Variants in SLC5A4 observed in about 807,000 individuals in gnomAD.
SLC5A4 encodes probable glucose sensor protein SLC5A4.
A neutral mutation model predicts 70.3 loss-of-function variants in SLC5A4; 55 were observed. The ratio of observed to expected loss-of-function variants is 0.78; its 90% confidence interval spans 0.63 to 0.98. SLC5A4 has a LOEUF of 0.98. Among genes scored for constraint, SLC5A4 ranks in the 50% least tolerant of loss-of-function variants. The pLI, the probability that SLC5A4 is intolerant of heterozygous loss-of-function variation, is 0.00. For synonymous variants in SLC5A4, 268 were observed against 305.7 expected, an observed-to-expected ratio of 0.88 and a Z score of 1.29; for missense variants, 735 against 839.2, an observed-to-expected ratio of 0.88 and a Z score of 1.53.
the SLC5A4 span, among the ~76,000 whole-genome samples, chr22:32,312,295 A>G: frequency 1.3e-5 from 2 of 151,738 alleles, no homozygotes; most frequent in African/African-American, 4.8e-5. Context: ...CCCATCAGAG[A>G]ACTTGAGGGG....
At chr22:32,239,760 C>T (rs1444696651) in intron 5 of SLC5A4, among the ~76,000 whole-genome samples, 1 of 148,202 alleles carries the variant, frequency 6.7e-6, no homozygotes, top group Non-Finnish European at 1.5e-5. Flanking sequence ...TGCGGTGGCT[C>T]ACACCTGGAA....
the SLC5A4 span, among the ~76,000 whole-genome samples, chr22:32,353,482 G>C: frequency 3.3e-4 from 50 of 152,036 alleles, no homozygotes; most frequent in African/African-American, 1.0e-3. Context: ...CATCCGCCGC[G>C]CTCCAGCAGG....
chr22:32,306,660 C>A, the SLC5A4 span, among the ~76,000 whole-genome samples: 1 of 152,146 alleles, frequency 6.6e-6, no homozygotes, highest in Non-Finnish European at 1.5e-5. Flanking sequence ...TCCCCCAACC[C>A]CTGCCGCTGT....
the SLC5A4 span, among the ~76,000 whole-genome samples, chr22:32,344,061 T>C: frequency 6.6e-6 from 1 of 152,166 alleles, no homozygotes; most frequent in Non-Finnish European, 1.5e-5. Flanking sequence ...GTAAGCGCTA[T>C]GGCAGTGAGG....
chr22:32,234,872 C>T lies in SLC5A4; in HGVS notation c.885+1G>A, dbSNP rs1925969288. 6.2e-7 allele frequency: 1 copy of T among 1,604,440 alleles called. No homozygotes were observed. Reference sequence around the variant, plus strand: ...CAGACACACATATACATATACTTCACCTGATTTGTGCACCAGTACCACAAA... The same window carrying T: ...CAGACACACATATACATATACTTCATCTGATTTGTGCACCAGTACCACAAA... On this transcript the variant is annotated splice_donor_variant, in intron 8 of 14. Transcript: ENST00000266086. LOFTEE classifies it high-confidence loss of function.
the SLC5A4 span, among the ~76,000 whole-genome samples, chr22:32,310,906 G>T: frequency 1.3e-5 from 2 of 152,176 alleles, no homozygotes; most frequent in African/African-American, 2.4e-5. Context: ...CCCAGGGCTG[G>T]GCACTCTTGC....
intron 9 of SLC5A4, 85 bp downstream of exon 9, chr22:32,232,814 T>C (rs1331555955): frequency 6.7e-7 from 1 of 1,486,936 alleles, no homozygotes; most frequent in Non-Finnish European, 9.1e-7. Context: ...CCAGAATGGA[T>C]TTTCTCAAGG....
chr22:32,252,642 G>A (rs987649824), intron 2 of SLC5A4, among the ~76,000 whole-genome samples: 2 of 152,112 alleles, frequency 1.3e-5, no homozygotes, highest in Admixed American at 1.3e-4. Flanking sequence ...CTGTCTTGGG[G>A]GAGCATTGGT....
chr22:32,257,659 C>CTTTTTT (rs58908133), upstream of SLC5A4, among the ~76,000 whole-genome samples: 138 of 141,966 alleles, frequency 9.7e-4, 2 homozygotes, highest in South Asian at 0.015. Context: ...GCAAGGTTTT[C>CTTTTTT]TTTTTTTTTT....
intron 13 of SLC5A4, among the ~76,000 whole-genome samples, chr22:32,222,170 G>T (rs1463641838): frequency 2.7e-5 from 4 of 150,630 alleles, no homozygotes; most frequent in Admixed American, 1.3e-4. Flanking sequence ...GGTTTTATTT[G>T]TTCTTGATGT....
the SLC5A4 span, among the ~76,000 whole-genome samples, chr22:32,302,709 A>G: frequency 2.0e-5 from 3 of 152,136 alleles, no homozygotes; most frequent in Non-Finnish European, 2.9e-5. Context: ...AACTACGTAG[A>G]CTTGATTGTT....
At chr22:32,281,848 T>G in the SLC5A4 span, among the ~76,000 whole-genome samples, 5 of 151,930 alleles carry the variant, frequency 3.3e-5, no homozygotes, top group African/African-American at 1.2e-4. Flanking sequence ...GCTTTCATGT[T>G]TGTTTGTTTG....
the SLC5A4 span, among the ~76,000 whole-genome samples, chr22:32,314,229 CTTTT>C: frequency 6.6e-6 from 1 of 152,094 alleles, no homozygotes; most frequent in Non-Finnish European, 1.5e-5. Context: ...CCATCACCGA[CTTTT>C]TTTTCTCCAT....
At chr22:32,318,335 T>C in the SLC5A4 span, among the ~76,000 whole-genome samples, 3 of 152,170 alleles carry the variant, frequency 2.0e-5, no homozygotes, top group Non-Finnish European at 4.4e-5. Flanking sequence ...TCCATTCTGA[T>C]GGCCAACGTG....
chr22:32,308,691 T>G, the SLC5A4 span, among the ~76,000 whole-genome samples: 1 of 149,388 alleles, frequency 6.7e-6, no homozygotes, highest in African/African-American at 2.5e-5. Flanking sequence ...CTGGGAACAC[T>G]GTCAGCTGCC....
the SLC5A4 span, among the ~76,000 whole-genome samples, chr22:32,267,225 G>A: frequency 2.6e-5 from 4 of 152,084 alleles, no homozygotes; most frequent in Admixed American, 6.6e-5. Flanking sequence ...TGCTTATGAC[G>A]TCAGTAAAAA....
the SLC5A4 span, among the ~76,000 whole-genome samples, chr22:32,340,136 T>C: frequency 1.7e-5 from 1 of 60,278 alleles, no homozygotes; most frequent in Non-Finnish European, 2.9e-5. Context: ...GGAATCTCTC[T>C]CCGAGCCTCC....
chr22:32,309,274 A>T, the SLC5A4 span, among the ~76,000 whole-genome samples: 3 of 152,224 alleles, frequency 2.0e-5, no homozygotes, highest in Non-Finnish European at 2.9e-5. Context: ...CGTGAATCAC[A>T]CACAGTTCCC....
the SLC5A4 span, among the ~76,000 whole-genome samples, chr22:32,306,764 G>GC: frequency 6.6e-5 from 10 of 152,106 alleles, no homozygotes; most frequent in South Asian, 6.2e-4. Context: ...CACCCTTGCA[G>GC]CCCCCCACCT....
Sources: gnomAD v4.1 joint callset for allele counts (sites outside exome capture counted in the v4.1 genomes callset) on GRCh38, gnomAD v4.1.1 for gene constraint, MANE v1.5 for transcripts, NCBI Gene and HGNC (gene_info 2026-07-23, HGNC 2026-07-21) for gene names.